The following UBE2E2 variants were observed in gnomAD, a reference collection of about 807,000 sequenced individuals.
The protein encoded by UBE2E2 is ubiquitin conjugating enzyme E2 E2, also known as ubiquitin-conjugating enzyme E2 E2.
UBE2E2 carries 6 observed loss-of-function variants against 24.7 expected under a neutral mutation model. The ratio of observed to expected loss-of-function variants is 0.24; its 90% confidence interval spans 0.13 to 0.48. The LOEUF is 0.48. Among genes scored for constraint, UBE2E2 ranks in the 20% least tolerant of loss-of-function variants. The probability of loss-of-function intolerance (pLI) is 0.99; values close to 1 mark genes in which losing one functional copy is unlikely to be tolerated. For missense variants in UBE2E2, 169 were observed against 245.0 expected, an observed-to-expected ratio of 0.69 and a Z score of 2.07; for synonymous variants, 104 against 83.6, an observed-to-expected ratio of 1.24 and a Z score of -1.33.
At position 23,474,219 on chromosome 3, in the gene UBE2E2, C is replaced by T. The variant is rs980378517; in HGVS notation, c.228-25389C>T. On this transcript the variant is annotated intron_variant, in intron 3 of 5. Coordinates refer to ENST00000396703, the MANE Select transcript of UBE2E2 (RefSeq NM_152653.4). This position sits in a 1 kb window ranked among gnomAD's most constrained non-coding sequence, Gnocchi z 4.0. Reference sequence around the variant, plus strand: ...GAATTGTCTATTCATGTCCTTAGCCCACTTTTTGATGGGATTGTTGTTTTT... The same window carrying T: ...GAATTGTCTATTCATGTCCTTAGCCTACTTTTTGATGGGATTGTTGTTTTT... Among the ~76,000 whole-genome samples, 1 of 151,864 alleles carries T rather than the reference C, an allele frequency of 6.6e-6. No homozygotes were observed. Among genetic ancestry groups the T allele is most frequent in the Admixed American group, 6.6e-5 (1 of 15,254 alleles).
At position 23,382,405 on chromosome 3, in the gene UBE2E2, C is replaced by G. The variant is rs1575596834; in HGVS notation, c.228-117203C>G. ...CCATGTTGGCCAGGCTGGTCTTGAACTCCCAACCTCGGGTAATCCGCCCAC... is the reference window on the plus strand; with the variant it reads ...CCATGTTGGCCAGGCTGGTCTTGAAGTCCCAACCTCGGGTAATCCGCCCAC... On this transcript the variant is annotated intron_variant, in intron 3 of 5. Transcript: ENST00000396703. Among the ~76,000 whole-genome samples the G allele has an allele frequency of 2.6e-5, 4 of 152,184 alleles. No homozygotes were observed. The South Asian group carries it at 8.3e-4, about 32-fold the overall frequency.
chr3:23,250,305 G>T (rs1431054250), intron 3 of UBE2E2, among the ~76,000 whole-genome samples: 8 of 151,940 alleles, frequency 5.3e-5, no homozygotes, highest in African/African-American at 1.9e-4. Flanking sequence ...CATTATTATT[G>T]TCTCATCTGT....
chr3:23,366,278 A>G (rs1696253721), intron 3 of UBE2E2, among the ~76,000 whole-genome samples: 1 of 152,216 alleles, frequency 6.6e-6, no homozygotes, highest in South Asian at 2.1e-4. Context: ...CTTAAAACAG[A>G]AATACCATTC....
intron 5 of UBE2E2, among the ~76,000 whole-genome samples, chr3:23,563,971 A>AAAAGAAAGAAAGAAAG (rs35762193): frequency 1.3e-5 from 2 of 149,618 alleles, no homozygotes; most frequent in Non-Finnish European, 3.0e-5. Flanking sequence ...TTCCAAAAAC[A>AAAAGAAAGAAAGAAAG]AAAGAAAGAA....
chr3:23,508,254 CTG>C (rs1433724797), intron 4 of UBE2E2, among the ~76,000 whole-genome samples: 4 of 152,212 alleles, frequency 2.6e-5, no homozygotes, highest in African/African-American at 9.6e-5. Context: ...CACATTATAT[CTG>C]TGTGTCCAGC....
intron 3 of UBE2E2, among the ~76,000 whole-genome samples, chr3:23,389,441 C>G (rs1405894435): frequency 6.6e-6 from 1 of 152,182 alleles, no homozygotes; most frequent in Non-Finnish European, 1.5e-5. Context: ...TCTGTACCGT[C>G]TTCCCTCCCA....
chr3:23,313,713 CTG>C (rs1575554650), intron 3 of UBE2E2, among the ~76,000 whole-genome samples: 1 of 152,014 alleles, frequency 6.6e-6, no homozygotes, highest in Non-Finnish European at 1.5e-5. Context: ...TGCATCCACT[CTG>C]TGTCTCTTGA....
In UBE2E2 at chr3:23,326,801, C is replaced by G. The variant is rs1031502400; in HGVS notation, c.227+109489C>G. 5.9e-5 allele frequency among the ~76,000 whole-genome samples: 9 copies of G among 152,286 alleles called. 1 individual carries two copies. In the South Asian group the frequency reaches 1.9e-3, roughly 32 times the overall value. On this transcript the variant is annotated intron_variant, in intron 3 of 5. Transcript: ENST00000396703. ...AACTCGTCATTTACATTAGGTATATCTCCTAATGCTGTCCCTCCCCACTCC... is the reference window on the plus strand; with the variant it reads ...AACTCGTCATTTACATTAGGTATATGTCCTAATGCTGTCCCTCCCCACTCC...
At chr3:23,440,788 A>T (rs1698287209) in intron 3 of UBE2E2, among the ~76,000 whole-genome samples, 1 of 150,588 alleles carries the variant, frequency 6.6e-6, no homozygotes, top group Admixed American at 6.6e-5. Context: ...CTTGGATTTA[A>T]AAAAAAAGAA....
chr3:23,274,200 A>C (rs747145614), intron 3 of UBE2E2, among the ~76,000 whole-genome samples: 3 of 152,190 alleles, frequency 2.0e-5, no homozygotes, highest in Non-Finnish European at 4.4e-5. Flanking sequence ...GTAAATACCA[A>C]CAATTATTAT....
chr3:23,488,252 C>T (rs1162905576), intron 3 of UBE2E2, among the ~76,000 whole-genome samples: 4 of 148,834 alleles, frequency 2.7e-5, no homozygotes, highest in Non-Finnish European at 3.0e-5. Flanking sequence ...GTGTGCAGAA[C>T]GTGCAGTTTT....
intron 2 of UBE2E2, among the ~76,000 whole-genome samples, chr3:23,212,175 A>C (rs961906640): frequency 6.6e-6 from 1 of 152,236 alleles, no homozygotes; most frequent in African/African-American, 2.4e-5. Context: ...GGTATATAAT[A>C]CAGAAAACAT....
At chr3:23,412,424 G>A (rs1002901385) in intron 3 of UBE2E2, among the ~76,000 whole-genome samples, 6 of 145,674 alleles carry the variant, frequency 4.1e-5, no homozygotes, top group Non-Finnish European at 7.5e-5. Context: ...AAGGTGCAGC[G>A]CTCTTTGCAG....
intron 3 of UBE2E2, among the ~76,000 whole-genome samples, chr3:23,371,848 T>A (rs1249683896): frequency 2.6e-5 from 4 of 152,156 alleles, no homozygotes; most frequent in Non-Finnish European, 5.9e-5. Context: ...CTGGGCACCG[T>A]GGCTTATGTC....
At chr3:23,489,514 A>G (rs957990805) in intron 3 of UBE2E2, among the ~76,000 whole-genome samples, 4 of 152,214 alleles carry the variant, frequency 2.6e-5, no homozygotes, top group South Asian at 2.1e-4. Context: ...GCTGGTATAG[A>G]AAAGGGAAAT....
chr3:23,322,395 G>A (rs1694763949), intron 3 of UBE2E2, among the ~76,000 whole-genome samples: 1 of 152,112 alleles, frequency 6.6e-6, no homozygotes, highest in African/African-American at 2.4e-5. Flanking sequence ...GTCTAAAACT[G>A]GAAGCTATGA....
chr3:23,586,921 A>G (rs1390820614), intron 5 of UBE2E2, among the ~76,000 whole-genome samples: 1 of 145,682 alleles, frequency 6.9e-6, no homozygotes, highest in Non-Finnish European at 1.5e-5. Flanking sequence ...TTTTTTTTTT[A>G]CATCATGTGA....
chr3:23,272,149 C>T (rs1374239357), intron 3 of UBE2E2, among the ~76,000 whole-genome samples: 4 of 152,172 alleles, frequency 2.6e-5, no homozygotes, highest in Non-Finnish European at 5.9e-5. Flanking sequence ...TGGCGGGCTG[C>T]AGGTCCCGAG....
chr3:23,228,670 C>G (rs1183723972), intron 3 of UBE2E2, among the ~76,000 whole-genome samples: 1 of 152,020 alleles, frequency 6.6e-6, no homozygotes, highest in Non-Finnish European at 1.5e-5. Flanking sequence ...GGCTATGTTT[C>G]TAAATAAATG....
Sources: gnomAD v4.1 joint callset for allele counts (sites outside exome capture counted in the v4.1 genomes callset) on GRCh38, gnomAD v4.1.1 for gene constraint, Gnocchi (gnomAD v3.1) non-coding constraint, MANE v1.5 for transcripts, NCBI Gene and HGNC (gene_info 2026-07-23, HGNC 2026-07-21) for gene names.